The following LRCH3 variants were observed in gnomAD, a reference collection of about 807,000 sequenced individuals.
LRCH3 encodes the protein DISP complex protein LRCH3.
In LRCH3, 68 loss-of-function variants were observed where a neutral mutation model predicts 104.5. The ratio of observed to expected loss-of-function variants is 0.65; its 90% CI spans 0.54 to 0.80. The LOEUF (loss-of-function observed/expected upper bound fraction) is 0.80, where lower values mean the gene tolerates loss of function less well. Among genes scored for constraint, LRCH3 ranks in the 30% least tolerant of loss-of-function variants. LRCH3 has a pLI of 0.00. For missense variants in LRCH3, 951 were observed against 953.9 expected (o/e 1.00, Z 0.04); for synonymous variants, 344 against 361.3 (o/e 0.95, Z 0.54).
At chr3:197,879,466 G>A (rs1183836811) in intron 20 of LRCH3, among the ~76,000 whole-genome samples, 6 of 150,994 alleles carry the variant, frequency 4.0e-5, no homozygotes, top group Non-Finnish European at 8.8e-5. Flanking sequence ...CTAACATGGT[G>A]AAACCCCGTC....
chr3:197,829,641 T>A lies in LRCH3; in HGVS notation c.855T>A (p.Asp285Glu). 1 of 1,613,384 alleles carries A rather than the reference T, an allele frequency of 6.2e-7. No homozygotes were observed. The change falls in exon 6 of 21, where the codon GAT becomes GAA. Residue 285 changes from aspartate (D) to glutamate (E), a missense_variant. Asp to Glu is a conservative substitution (Grantham distance 45). Coordinates refer to ENST00000425562, the MANE Select transcript of LRCH3 (RefSeq NM_001365715.1). ...GTAAGATTGCTCCAGATCTGCCGGA[T>A]TATGATAGGAGACCGTTGGGTTTTG... ...QACKIAPDLP[D>E]YDRRPLGFGS...
chr3:197,885,719 C>T lies in LRCH3; in HGVS notation c.*2053C>T, dbSNP rs574070774. The T allele has an allele frequency of 2.6e-5, 4 of 152,258 alleles. No individual in the cohort carries two copies. Among genetic ancestry groups the T allele is most frequent in the Non-Finnish European group, 4.4e-5 (3 of 68,052 alleles). The allele number at this position is 152,258 out of a possible 1,614,324, so 9.4% of individuals were successfully genotyped here. A position where few individuals can be genotyped will look rare whatever the true frequency, so the allele number is the denominator to read the frequency against. Reference sequence around the variant, plus strand: ...CTCACACCGCACAGGAGCCTTTACTCAAGTTTCAGCTAGTTTTCCTTCCCC... The same window carrying T: ...CTCACACCGCACAGGAGCCTTTACTTAAGTTTCAGCTAGTTTTCCTTCCCC... On this transcript the variant is annotated 3_prime_UTR_variant, in exon 21 of 21. Coordinates refer to ENST00000425562, the MANE Select transcript of LRCH3 (RefSeq NM_001365715.1).
chr3:197,831,990 T>C (rs1466180558), intron 7 of LRCH3, among the ~76,000 whole-genome samples: 1 of 152,110 alleles, frequency 6.6e-6, no homozygotes, highest in Non-Finnish European at 1.5e-5. Flanking sequence ...TCCTGTCTCA[T>C]TGCAGCCTCG....
intron 17 of LRCH3, 121 bp from the exon 18 acceptor site, chr3:197,870,037 CTG>C (rs1298232397): frequency 1.1e-6 from 1 of 932,744 alleles, no homozygotes; most frequent in African/African-American, 1.7e-5. Context: ...AAGCGATGCA[CTG>C]TACCTGCAGG....
intron 20 of LRCH3, chr3:197,881,005 T>C (rs1393674516): frequency 7.9e-7 from 1 of 1,267,744 alleles, no homozygotes; most frequent in East Asian, 3.9e-5. Context: ...TGAAGCATTT[T>C]TACTAATACA....
At chr3:197,797,882 ACAAAAAAAAAAAC>A (rs1731430204) in intron 1 of LRCH3, among the ~76,000 whole-genome samples, 1 of 134,942 alleles carries the variant, frequency 7.4e-6, no homozygotes, top group Non-Finnish European at 1.6e-5. Context: ...AACAAAAAAA[ACAAAAAAAAAAAC>A]AAAACCAGAA....
intron 15 of LRCH3, chr3:197,859,574 C>T (rs370880985): frequency 6.6e-6 from 1 of 152,306 alleles, no homozygotes; most frequent in East Asian, 1.9e-4. Context: ...AATTAAGAAC[C>T]TGTAGTATTT....
rs1321511401 is a variant in LRCH3, at chr3:197,847,417, C to G, written c.1337C>G (p.Ala446Gly). ...RRYLHQNRVP[A>G]EPSSLLSLSA... ...TTTCTTTTTTGGGTCAGGGTTCCAGCTGAGCCATCTTCCCTCCTGTCACTA... is the reference window on the plus strand; with the variant it reads ...TTTCTTTTTTGGGTCAGGGTTCCAGGTGAGCCATCTTCCCTCCTGTCACTA... The change falls in exon 11 of 21, where the codon GCT (alanine) becomes GGT (glycine). Residue 446 changes from alanine to glycine, a missense_variant. Coordinates refer to ENST00000425562, the MANE Select transcript of LRCH3 (RefSeq NM_001365715.1). 1 of 1,597,866 alleles carries G rather than the reference C, an allele frequency of 6.3e-7. No homozygotes were observed. The highest frequency in any genetic ancestry group is 1.8e-5 in the Admixed American group (1 of 56,906).
intron 1 of LRCH3, among the ~76,000 whole-genome samples, chr3:197,809,961 A>G (rs1260731278): frequency 2.0e-5 from 3 of 152,064 alleles, no homozygotes; most frequent in African/African-American, 4.8e-5. Flanking sequence ...TTTGGGGATT[A>G]TAAGAGTCAT....
chr3:197,838,722 G>C (rs929194341), intron 9 of LRCH3, among the ~76,000 whole-genome samples: 1 of 152,052 alleles, frequency 6.6e-6, no homozygotes, highest in Non-Finnish European at 1.5e-5. Flanking sequence ...TTTACTCTTT[G>C]GTTTGTAGAT....
intron 10 of LRCH3, among the ~76,000 whole-genome samples, chr3:197,845,821 C>G (rs1280903154): frequency 6.6e-6 from 1 of 152,200 alleles, no homozygotes; most frequent in Admixed American, 6.5e-5. Context: ...AGAAGAATCT[C>G]TTGAACCTGG....
chr3:197,840,351 C>T (rs567711996), intron 10 of LRCH3, among the ~76,000 whole-genome samples: 45 of 152,146 alleles, frequency 3.0e-4, no homozygotes, highest in African/African-American at 1.1e-3. Context: ...CCTGTAGTCT[C>T]CAGGCTGAGG....
chr3:197,847,964 G>A lies in LRCH3; in HGVS notation c.1473G>A (p.Glu491=). 6.2e-7 allele frequency: 1 copy of A among 1,614,172 alleles called. No individual in the cohort carries two copies. The highest frequency in any genetic ancestry group is 8.5e-7 in the Non-Finnish European group (1 of 1,180,008). Residue 491 remains glutamate (E), a synonymous_variant, in exon 12 of 21, where the codon GAG becomes GAA. Transcript: ENST00000425562. ...REAQLAALQY[E]EEKIRTKQIQ... is the part of the protein sequence containing the mutation. ...CTCAGCTTGCTGCCCTGCAGTATGA[G>A]GAGGAGAAAATAAGGACCAAGCAGA...
At chr3:197,832,094 T>C in intron 7 of LRCH3, 103 bp from the exon 8 acceptor site, 1 of 1,230,038 alleles carries the variant, frequency 8.1e-7, no homozygotes, top group African/African-American at 1.5e-5. Flanking sequence ...ACTCCTGGCC[T>C]CAAGTGATCC....
intron 5 of LRCH3, among the ~76,000 whole-genome samples, chr3:197,828,811 G>A (rs1236077819): frequency 2.8e-5 from 4 of 145,112 alleles, no homozygotes; most frequent in Admixed American, 1.4e-4. Context: ...GGGTTCAAGC[G>A]ATTCTCCTGC....
chr3:197,864,488 T>C (rs1240756243), intron 15 of LRCH3, among the ~76,000 whole-genome samples: 1 of 148,114 alleles, frequency 6.8e-6, no homozygotes, highest in African/African-American at 2.6e-5. Flanking sequence ...TGCATGCCTG[T>C]AATCCCAGCT....
At chr3:197,799,039 G>C (rs1731584736) in intron 1 of LRCH3, among the ~76,000 whole-genome samples, 1 of 152,198 alleles carries the variant, frequency 6.6e-6, no homozygotes, top group Admixed American at 6.5e-5. Flanking sequence ...TAGAAGGGAA[G>C]GGGAGGTAGT....
At chr3:197,841,960 G>A (rs938504304) in intron 10 of LRCH3, among the ~76,000 whole-genome samples, 12 of 152,122 alleles carry the variant, frequency 7.9e-5, no homozygotes, top group Non-Finnish European at 1.3e-4. Context: ...AGCCGCTGGA[G>A]TAGCTGCAAC....
intron 18 of LRCH3, 137 bp downstream of exon 18, chr3:197,870,415 G>T: frequency 5.1e-6 from 4 of 787,852 alleles, no homozygotes; most frequent in Non-Finnish European, 7.7e-6. Context: ...ACCCAGGCTG[G>T]AGTTCAGTGG....
Sources: allele counts gnomAD v4.1 joint callset (sites outside exome capture counted in the v4.1 genomes callset), GRCh38; gene constraint gnomAD v4.1.1; transcripts MANE v1.5; gene names NCBI Gene and HGNC (gene_info 2026-07-23, HGNC 2026-07-21).